The following NCOR2 variants were observed in gnomAD, a reference collection of about 807,000 sequenced individuals.
The protein encoded by NCOR2 is CTG repeat protein 26.
NCOR2 carries 81 observed loss-of-function variants against 262.9 expected under a neutral mutation model. The observed-to-expected ratio is 0.31, with a 90% CI of 0.26 to 0.37. NCOR2 has a LOEUF of 0.37. Ranked by LOEUF, NCOR2 falls within the 10% of genes least tolerant of loss-of-function variation. The pLI is 1.00. For missense variants in NCOR2, 3,385 were observed against 3,621.4 expected, an observed-to-expected ratio of 0.93 and a Z score of 1.68; for synonymous variants, 1,659 against 1,559.3, an observed-to-expected ratio of 1.06 and a Z score of -1.51.
In NCOR2 at chr12:124,426,605, G is replaced by C. The variant is rs758007561; in HGVS notation, c.1328+17C>G. 1 of 1,565,774 alleles carries C rather than the reference G, an allele frequency of 6.4e-7. No individual in the cohort carries two copies. The highest frequency in any genetic ancestry group is 1.2e-5 in the South Asian group (1 of 84,654). ...GGTGGGGGGCCGGGAGGCCAGGCCAGGTGATGGAGGACTCACTTCTCCCGG... is the reference window on the plus strand; with the variant it reads ...GGTGGGGGGCCGGGAGGCCAGGCCACGTGATGGAGGACTCACTTCTCCCGG... On this transcript the variant is annotated intron_variant, in intron 11 of 46. Transcript: ENST00000405201.
chr12:124,446,271 T>C (rs1039219481), intron 7 of NCOR2, among the ~76,000 whole-genome samples: 3 of 152,176 alleles, frequency 2.0e-5, no homozygotes, highest in African/African-American at 7.2e-5. Flanking sequence ...GGCCTTCCCA[T>C]GGTATTCTCA....
intron 1 of NCOR2, among the ~76,000 whole-genome samples, chr12:124,492,633 G>C (rs943066558): frequency 6.6e-6 from 1 of 152,142 alleles, no homozygotes; most frequent in African/African-American, 2.4e-5. Flanking sequence ...CCCCTTACCC[G>C]GGGGGATCTG....
chr12:124,495,350 G>A, upstream of NCOR2: 1 of 1,456,210 alleles, frequency 6.9e-7, no homozygotes, highest in South Asian at 1.4e-5. The surrounding 1 kb of genome is among the most constrained non-coding windows in gnomAD (Gnocchi z 4.4). Context: ...CAGCTCACGG[G>A]CCACCCCGTC....
chr12:124,499,786 T>C (rs1423054042), upstream of NCOR2, among the ~76,000 whole-genome samples: 2 of 151,990 alleles, frequency 1.3e-5, no homozygotes, highest in East Asian at 3.9e-4. Context: ...CAGAAGGTGG[T>C]TGCGGGGGAG....
intron 16 of NCOR2, among the ~76,000 whole-genome samples, chr12:124,396,052 T>G (rs1229636283): frequency 6.6e-6 from 1 of 152,182 alleles, no homozygotes; most frequent in Non-Finnish European, 1.5e-5. Flanking sequence ...AGAACCATCA[T>G]GCTCCCAGAA....
Position 124,337,199 on chromosome 12 carries a change from C to CTG in NCOR2, c.5688-20_5688-19insCA. On this transcript the variant is annotated intron_variant, in intron 37 of 46. Coordinates refer to ENST00000405201, the Ensembl canonical transcript of NCOR2. ...GGTGGACCTGGGGGAGGAGAGAAGG[C>CTG]GGTCAGGCAGTCATGGGAGCTGCCC... 6.5e-7 allele frequency: 1 copy of CTG among 1,545,926 alleles called. No homozygotes were observed.
chr12:124,342,859 G>C (rs2036575240), intron 33 of NCOR2, 146 bp downstream of exon 35: 1 of 791,922 alleles, frequency 1.3e-6, no homozygotes. Flanking sequence ...TGATTACACT[G>C]TTGGGTCTTC....
At position 124,378,174 on chromosome 12, in the gene NCOR2, A is replaced by AT; in HGVS notation, c.2167+62dup. The AT allele has an allele frequency of 6.3e-7, 1 of 1,582,934 alleles. No individual in the cohort carries two copies. On this transcript the variant is annotated intron_variant, in intron 18 of 46. Transcript: ENST00000405201. This position sits in a 1 kb window ranked among gnomAD's most constrained non-coding sequence, Gnocchi z 4.2. Reference sequence around the variant, plus strand: ...GAGGCTGCCGGGATCAGTTCCCGCTATGCCCTCCCTCAGAGCTCGGACCCA... The same window carrying AT: ...GAGGCTGCCGGGATCAGTTCCCGCTATTGCCCTCCCTCAGAGCTCGGACCCA...
intron 1 of NCOR2, among the ~76,000 whole-genome samples, chr12:124,563,565 G>A (rs1017237569): frequency 3.9e-5 from 6 of 152,256 alleles, no homozygotes; most frequent in African/African-American, 9.6e-5. Flanking sequence ...CGAGGGCAAC[G>A]CGCCCAGCCT....
intron 13 of NCOR2, among the ~76,000 whole-genome samples, chr12:124,409,862 A>G (rs1485055974): frequency 6.6e-6 from 1 of 151,894 alleles, no homozygotes; most frequent in Non-Finnish European, 1.5e-5. Context: ...ATTTTTTTGT[A>G]GAGATGGGGT....
At position 124,359,960 on chromosome 12, in the gene NCOR2, G is replaced by A. The variant is rs552678963; in HGVS notation, c.3100+2166C>T. 2.6e-5 allele frequency among the ~76,000 whole-genome samples: 4 copies of A among 152,342 alleles called. No homozygotes were observed. The South Asian group carries it at 6.2e-4, about 24-fold the overall frequency. On this transcript the variant is annotated intron_variant, in intron 22 of 46. Transcript: ENST00000405201. The stretch of plus-strand genomic sequence containing the variant: ...AAAGGCATGCAGGGCCTAACGCCAG[G>A]TGCACCGTCCCCACGGGGAATGAGG...
intron 37 of NCOR2, 183 bp from the exon 40 acceptor site, chr12:124,337,363 G>T: frequency 1.3e-6 from 1 of 764,652 alleles, no homozygotes; most frequent in Non-Finnish European, 2.3e-6. Flanking sequence ...CCACTCATTC[G>T]TTCATTCATT....
chr12:124,462,567 G>C (rs1348406130), intron 5 of NCOR2, among the ~76,000 whole-genome samples: 2 of 152,238 alleles, frequency 1.3e-5, no homozygotes, highest in Non-Finnish European at 2.9e-5. Flanking sequence ...CAATCTGAAA[G>C]AACCCCTGGA....
At chr12:124,342,627 C>T (rs2036550186) in intron 33 of NCOR2, among the ~76,000 whole-genome samples, 1 of 152,196 alleles carries the variant, frequency 6.6e-6, no homozygotes, top group African/African-American at 2.4e-5. Flanking sequence ...CTCGGCCTCC[C>T]AAAGTGCTGG....
intron 18 of NCOR2, among the ~76,000 whole-genome samples, chr12:124,376,582 CT>C (rs1233202328): frequency 1.3e-5 from 2 of 152,216 alleles, no homozygotes; most frequent in Non-Finnish European, 2.9e-5. Flanking sequence ...AGACCCAAAG[CT>C]GGTGGGGAGG....
intron 1 of NCOR2, among the ~76,000 whole-genome samples, chr12:124,522,352 C>T (rs2050235728): frequency 6.6e-6 from 1 of 152,236 alleles, no homozygotes; most frequent in Non-Finnish European, 1.5e-5. Context: ...CCTATCCTCT[C>T]ACAGTTCTGG....
At chr12:124,325,853 T>C (rs2034585970) in intron 46 of NCOR2, among the ~76,000 whole-genome samples, 2 of 152,154 alleles carry the variant, frequency 1.3e-5, no homozygotes, top group South Asian at 4.1e-4. Flanking sequence ...AGGGGCCTTC[T>C]GACCCTATGT....
At chr12:124,546,032 G>T (rs1466950615) in intron 1 of NCOR2, among the ~76,000 whole-genome samples, 3 of 152,214 alleles carry the variant, frequency 2.0e-5, no homozygotes, top group African/African-American at 7.2e-5. Context: ...GGCACAGGCT[G>T]TTTCTGCTCC....
intron 8 of NCOR2, among the ~76,000 whole-genome samples, chr12:124,431,809 A>ACACACAGG (rs764792265): frequency 8.0e-5 from 9 of 112,258 alleles, no homozygotes; most frequent in Non-Finnish European, 1.3e-4. Context: ...ACACAGGCAG[A>ACACACAGG]CAGACAGACA....
Sources: gnomAD v4.1 joint callset for allele counts (sites outside exome capture counted in the v4.1 genomes callset) on GRCh38, gnomAD v4.1.1 for gene constraint, Gnocchi (gnomAD v3.1) non-coding constraint, MANE v1.5 for transcripts, NCBI Gene and HGNC (gene_info 2026-07-23, HGNC 2026-07-21) for gene names.